SORCS2: variants seen among roughly 807,000 people sequenced by gnomAD.
SORCS2 encodes VPS10 domain-containing receptor SorCS2.
A neutral mutation model predicts 141.6 loss-of-function variants in SORCS2; 100 were observed. The ratio of observed to expected loss-of-function variants is 0.71; its 90% CI spans 0.60 to 0.83. SORCS2 has a LOEUF of 0.83. Ranked by LOEUF, SORCS2 falls within the 40% of genes least tolerant of loss-of-function variation. The pLI, the probability that SORCS2 is intolerant of heterozygous loss-of-function variation, is 0.00. For missense variants in SORCS2, 1,646 were observed against 1,560.2 expected (o/e 1.05, Z -0.93); for synonymous variants, 789 against 676.9 (o/e 1.17, Z -2.57).
At chr4:7,508,833 A>T (rs1183938911) in intron 2 of SORCS2, among the ~76,000 whole-genome samples, 1 of 152,202 alleles carries the variant, frequency 6.6e-6, no homozygotes, top group African/African-American at 2.4e-5. Context: ...GATAAATAGG[A>T]GCAAAGAATA....
At chr4:7,427,907 T>C (rs1726567646) in intron 2 of SORCS2, among the ~76,000 whole-genome samples, 1 of 150,464 alleles carries the variant, frequency 6.6e-6, no homozygotes, top group South Asian at 2.2e-4. Flanking sequence ...ACACCAGCTT[T>C]GGAGGGGGCA....
At chr4:7,393,163 C>T (rs1723974363) in intron 1 of SORCS2, among the ~76,000 whole-genome samples, 1 of 152,112 alleles carries the variant, frequency 6.6e-6, no homozygotes, top group Non-Finnish European at 1.5e-5. Context: ...ACAGCAGTAG[C>T]TCTTCTTTCC....
intron 1 of SORCS2, among the ~76,000 whole-genome samples, chr4:7,232,292 C>G (rs962041318): frequency 6.6e-6 from 1 of 152,156 alleles, no homozygotes; most frequent in Non-Finnish European, 1.5e-5. Context: ...CCCAGTGACC[C>G]TGTGGCCTTT....
chr4:7,498,165 C>T (rs1731748050), intron 2 of SORCS2, among the ~76,000 whole-genome samples: 1 of 152,166 alleles, frequency 6.6e-6, no homozygotes, highest in South Asian at 2.1e-4. Flanking sequence ...TGGGGTTCCT[C>T]CTAGTCCTCC....
chr4:7,621,485 TTA>T (rs1212905996), intron 3 of SORCS2, among the ~76,000 whole-genome samples: 9 of 149,332 alleles, frequency 6.0e-5, no homozygotes, highest in African/African-American at 1.5e-4. Context: ...CTGTGTGTGT[TTA>T]TATGTGTGTC....
rs141514494 is a variant in SORCS2 at position 7,655,099 on chromosome 4, C to T, written c.887+892C>T. 3.9e-4 allele frequency among the ~76,000 whole-genome samples: 60 copies of T among 152,338 alleles called. No individual in the cohort carries two copies. The East Asian group carries it at 0.011, about 29-fold the overall frequency. On this transcript the variant is annotated intron_variant, in intron 5 of 26. Coordinates refer to ENST00000507866, the MANE Select transcript of SORCS2 (RefSeq NM_020777.3). ...AGCCGTTCAGAACTCAGGCCTGCCT[C>T]TCTCCTGCTGGGGCCATATCCCGTC...
At chr4:7,504,910 C>T (rs959022122) in intron 2 of SORCS2, among the ~76,000 whole-genome samples, 9 of 152,318 alleles carry the variant, frequency 5.9e-5, no homozygotes, top group Admixed American at 3.3e-4. Flanking sequence ...GTCTGATGGC[C>T]GTAGGCGCTG....
intron 19 of SORCS2, among the ~76,000 whole-genome samples, 195 bp from the exon 20 acceptor site, chr4:7,724,956 GTGA>G (rs1374010100): frequency 1.0e-5 from 1 of 99,380 alleles, no homozygotes; most frequent in African/African-American, 4.0e-5. Context: ...GGTGGTGTTG[GTGA>G]TGGTGGTGAT....
At chr4:7,608,024 C>T (rs1334563242) in intron 3 of SORCS2, among the ~76,000 whole-genome samples, 2 of 152,202 alleles carry the variant, frequency 1.3e-5, no homozygotes, top group Non-Finnish European at 2.9e-5. Flanking sequence ...TAGGACATGC[C>T]ATGCCCTGCC....
At chr4:7,632,131 G>A (rs1273589528) in intron 3 of SORCS2, among the ~76,000 whole-genome samples, 1 of 152,106 alleles carries the variant, frequency 6.6e-6, no homozygotes, top group Non-Finnish European at 1.5e-5. Context: ...TTAAAATAAG[G>A]GACTCACCTG....
At chr4:7,402,711 C>G (rs1242411809) in intron 2 of SORCS2, among the ~76,000 whole-genome samples, 1 of 152,190 alleles carries the variant, frequency 6.6e-6, no homozygotes, top group Non-Finnish European at 1.5e-5. Flanking sequence ...AGGTGACTCA[C>G]TGCTCCACAC....
chr4:7,487,798 G>A (rs552373653), intron 2 of SORCS2, among the ~76,000 whole-genome samples: 2 of 152,238 alleles, frequency 1.3e-5, no homozygotes, highest in Admixed American at 1.3e-4. Context: ...CAGCAGCTAC[G>A]GTACCGAGGG....
At chr4:7,548,549 G>T (rs988055228) in intron 3 of SORCS2, among the ~76,000 whole-genome samples, 4 of 152,192 alleles carry the variant, frequency 2.6e-5, no homozygotes, top group Admixed American at 6.5e-5. Flanking sequence ...ACAAAGGGAG[G>T]CCCAGCACAG....
chr4:7,473,311 G>C (rs1182822429), intron 2 of SORCS2, among the ~76,000 whole-genome samples: 1 of 152,150 alleles, frequency 6.6e-6, no homozygotes, highest in South Asian at 2.1e-4. Flanking sequence ...GAGGGAGATG[G>C]CGTGTTCCCA....
intron 3 of SORCS2, among the ~76,000 whole-genome samples, chr4:7,564,205 C>T (rs1714799350): frequency 6.6e-6 from 1 of 152,178 alleles, no homozygotes; most frequent in Admixed American, 6.5e-5. Context: ...CACACACACA[C>T]TTGAGGCCAT....
intron 2 of SORCS2, among the ~76,000 whole-genome samples, chr4:7,530,542 A>G (rs886311894): frequency 6.6e-6 from 1 of 152,164 alleles, no homozygotes; most frequent in African/African-American, 2.4e-5. Flanking sequence ...TTCTGCATCG[A>G]TAGAGCAGGG....
At chr4:7,396,652 T>G (rs1329094342) in intron 2 of SORCS2, among the ~76,000 whole-genome samples, 2 of 152,204 alleles carry the variant, frequency 1.3e-5, no homozygotes, top group African/African-American at 4.8e-5. Flanking sequence ...GAGGAGGGTT[T>G]GCATTGTGAA....
chr4:7,388,793 C>T (rs555713405), intron 1 of SORCS2, among the ~76,000 whole-genome samples: 1 of 152,202 alleles, frequency 6.6e-6, no homozygotes. Flanking sequence ...TTCGTCCTTC[C>T]CATCCACACA....
At chr4:7,339,072 A>G (rs1275120257) in intron 1 of SORCS2, among the ~76,000 whole-genome samples, 1 of 152,194 alleles carries the variant, frequency 6.6e-6, no homozygotes, top group Non-Finnish European at 1.5e-5. Flanking sequence ...ATTCACACAG[A>G]TGTGGTATCA....
Sources: gnomAD v4.1 joint callset for allele counts (sites outside exome capture counted in the v4.1 genomes callset) on GRCh38, gnomAD v4.1.1 for gene constraint, MANE v1.5 for transcripts, NCBI Gene and HGNC (gene_info 2026-07-23, HGNC 2026-07-21) for gene names.